DIPK1A: variants seen among roughly 807,000 people sequenced by gnomAD.
DIPK1A encodes family with sequence similarity 69 member A.
In DIPK1A, 27 loss-of-function variants were observed where a neutral mutation model predicts 40.8. The observed-to-expected ratio is 0.66, with a 90% confidence interval of 0.49 to 0.91. The LOEUF is 0.91. Ranked by LOEUF, DIPK1A falls within the 40% of genes least tolerant of loss-of-function variation. The pLI is 0.00. For missense variants in DIPK1A, 412 were observed against 505.7 expected (o/e 0.81, Z 1.78); for synonymous variants, 166 against 171.3 (o/e 0.97, Z 0.24).
chr1:92,913,555 C>A (rs1295258787), intron 1 of DIPK1A, among the ~76,000 whole-genome samples: 2 of 152,166 alleles, frequency 1.3e-5, no homozygotes, highest in African/African-American at 4.8e-5. Context: ...TTTGCATGTT[C>A]CATGACACAT....
intron 2 of DIPK1A, among the ~76,000 whole-genome samples, chr1:92,851,888 A>T (rs1687837989): frequency 6.6e-6 from 1 of 152,224 alleles, no homozygotes; most frequent in African/African-American, 2.4e-5. Context: ...TAAGGGGCAC[A>T]AGCTGTGGGA....
At chr1:92,930,196 T>A (rs1056550371) in intron 1 of DIPK1A, among the ~76,000 whole-genome samples, 89 of 150,374 alleles carry the variant, frequency 5.9e-4, no homozygotes, top group Non-Finnish European at 7.1e-4. Context: ...CTCAAAAGCA[T>A]GGCCTTTTGT....
intron 1 of DIPK1A, among the ~76,000 whole-genome samples, chr1:92,916,968 T>C (rs1272909610): frequency 1.3e-5 from 2 of 152,214 alleles, no homozygotes; most frequent in Non-Finnish European, 2.9e-5. Context: ...CTAGAACAGC[T>C]GTTTTCATTA....
chr1:92,930,284 T>C (rs772715091), intron 1 of DIPK1A, among the ~76,000 whole-genome samples: 17 of 152,210 alleles, frequency 1.1e-4, no homozygotes, highest in Non-Finnish European at 2.4e-4. Flanking sequence ...CCTCACCTCA[T>C]ATAGCCCTTA....
chr1:92,914,150 G>A (rs1649950094), intron 1 of DIPK1A, among the ~76,000 whole-genome samples: 1 of 151,364 alleles, frequency 6.6e-6, no homozygotes, highest in Non-Finnish European at 1.5e-5. Flanking sequence ...AGGCAATGGA[G>A]AAGAGAAACA....
chr1:92,847,183 C>G lies in DIPK1A; in HGVS notation c.474G>C (p.Lys158Asn). Residue 158 changes from lysine (K) to asparagine (N), a missense_variant and splice_region_variant, in exon 4 of 5, where the codon AAG becomes AAC. By Grantham distance (94) the Lys-to-Asn change is moderately conservative. Coordinates refer to ENST00000370310, the MANE Select transcript of DIPK1A (RefSeq NM_001006605.5). The part of the protein sequence containing the change: ...KFKEMVYSLF[K>N]AKLGDQGNLS... ...GCAACATATGAATGGGTATGCTTAC[C>G]TTAAAGAGACTATAGACCATTTCTT... is the stretch of plus-strand genomic sequence containing the variant. 6.5e-7 allele frequency: 1 copy of G among 1,534,554 alleles called. No individual in the cohort carries two copies. Among genetic ancestry groups the G allele is most frequent in the Non-Finnish European group, 8.8e-7 (1 of 1,138,176 alleles).
intron 4 of DIPK1A, among the ~76,000 whole-genome samples, chr1:92,834,206 A>G (rs1367127226): frequency 1.3e-5 from 2 of 152,210 alleles, no homozygotes; most frequent in Non-Finnish European, 2.9e-5. Context: ...ATGGCCTTAT[A>G]TGCCACTTAA....
chr1:92,892,940 G>T (rs1336326160), intron 1 of DIPK1A, among the ~76,000 whole-genome samples: 1 of 152,076 alleles, frequency 6.6e-6, no homozygotes, highest in African/African-American at 2.4e-5. Context: ...AGCCAGGAGA[G>T]ACGTTTAGAG....
rs1557464952 is a variant in DIPK1A, at chr1:92,876,361, TC to T, written c.123del (p.Trp41Ter). ...TAGGTAGAATACTGCACATATATAA[TC>T]CAGCTTCCAACAAAAACCACTAACC... ...FSWLVVFVGS[W>X]IIYVQYSTYT... On this transcript the variant is annotated frameshift_variant, in exon 2 of 5. Coordinates refer to ENST00000370310, the MANE Select transcript of DIPK1A (RefSeq NM_001006605.5). LOFTEE classifies it high-confidence loss of function. 1 of 1,611,200 alleles carries T rather than the reference TC, an allele frequency of 6.2e-7. No individual in the cohort carries two copies. Among genetic ancestry groups the T allele is most frequent in the Non-Finnish European group, 8.5e-7 (1 of 1,177,496 alleles).
chr1:92,856,561 G>A (rs146981252), intron 2 of DIPK1A, among the ~76,000 whole-genome samples: 2 of 152,192 alleles, frequency 1.3e-5, no homozygotes, highest in East Asian at 1.9e-4. Context: ...GGGATTACAG[G>A]TGTCCACCAC....
At chr1:92,926,513 T>C (rs982681260) in intron 1 of DIPK1A, among the ~76,000 whole-genome samples, 8 of 152,312 alleles carry the variant, frequency 5.3e-5, no homozygotes, top group South Asian at 4.1e-4. Context: ...TCTATAAATA[T>C]TAACTGGGGC....
intron 1 of DIPK1A, among the ~76,000 whole-genome samples, chr1:92,915,500 A>G (rs984641217): frequency 6.6e-6 from 1 of 152,238 alleles, no homozygotes; most frequent in Admixed American, 6.5e-5. Flanking sequence ...TTCATTTTAC[A>G]TACAGTTAAT....
At chr1:92,954,435 T>C (rs1295165424) in intron 1 of DIPK1A, among the ~76,000 whole-genome samples, 1 of 128,764 alleles carries the variant, frequency 7.8e-6, no homozygotes, top group African/African-American at 2.9e-5. Flanking sequence ...TGGAGTGCAG[T>C]GGCGTGATCT....
chr1:92,950,525 A>C (rs1040829089), intron 1 of DIPK1A, among the ~76,000 whole-genome samples: 1 of 152,224 alleles, frequency 6.6e-6, no homozygotes, highest in African/African-American at 2.4e-5. Flanking sequence ...GGGCTATTAC[A>C]ATGGGCCTAA....
chr1:92,834,729 T>G (rs1268489462), intron 4 of DIPK1A: 1 of 1,608,862 alleles, frequency 6.2e-7, no homozygotes, highest in Non-Finnish European at 8.5e-7. Flanking sequence ...TAAGATGTAG[T>G]AAGACAGTGA....
chr1:92,946,344 A>G (rs540455089), intron 1 of DIPK1A, among the ~76,000 whole-genome samples: 53 of 152,310 alleles, frequency 3.5e-4, no homozygotes, highest in African/African-American at 1.3e-3. Context: ...AAATGTTATC[A>G]ACTTTGGCAG....
In DIPK1A at chr1:92,844,180, G is replaced by C; in HGVS notation, c.490C>G (p.Gln164Glu). Residue 164 changes from glutamine to glutamate, a missense_variant, in exon 5 of 5, where the codon CAA becomes GAA. Gln to Glu is a conservative substitution (Grantham distance 29). Coordinates refer to ENST00000370310, the MANE Select transcript of DIPK1A (RefSeq NM_001006605.5). Reference protein sequence around the residue: ...YSLFKAKLGDQGNLSELVNLI... With the variant: ...YSLFKAKLGDEGNLSELVNLI... ...TTAACCAGTTCAGAGAGGTTTCCTT[G>C]GTCACCCAATTTTGCCTGTCAAGAA... The C allele has an allele frequency of 6.5e-7, 1 of 1,544,706 alleles. No individual in the cohort carries two copies. Among genetic ancestry groups the C allele is most frequent in the East Asian group, 2.5e-5 (1 of 40,760 alleles).
At chr1:92,948,651 AC>A (rs1651470726) in intron 1 of DIPK1A, among the ~76,000 whole-genome samples, 1 of 146,528 alleles carries the variant, frequency 6.8e-6, no homozygotes, top group African/African-American at 2.5e-5. Flanking sequence ...TAATATATAT[AC>A]GTATATATAC....
intron 2 of DIPK1A, among the ~76,000 whole-genome samples, chr1:92,863,527 G>A (rs566069543): frequency 1.7e-5 from 2 of 120,556 alleles, no homozygotes; most frequent in Non-Finnish European, 3.2e-5. Context: ...GAAGCTAAGA[G>A]TTCAAGACTA....
Sources: allele counts gnomAD v4.1 joint callset (sites outside exome capture counted in the v4.1 genomes callset), GRCh38; gene constraint gnomAD v4.1.1; transcripts MANE v1.5; gene names NCBI Gene and HGNC (gene_info 2026-07-23, HGNC 2026-07-21).